The following UBR4 variants were observed in gnomAD, a reference collection of about 807,000 sequenced individuals.
The protein encoded by UBR4 is E3 ubiquitin-protein ligase UBR4.
A neutral mutation model predicts 575.6 loss-of-function variants in UBR4; 124 were observed. That is an observed-to-expected ratio of 0.22 (90% confidence interval 0.19 to 0.25). UBR4 has a LOEUF of 0.25. Among genes scored for constraint, UBR4 ranks in the 10% least tolerant of loss-of-function variants. The probability of loss-of-function intolerance (pLI) is 1.00; values close to 1 mark genes in which losing one functional copy is unlikely to be tolerated. For synonymous variants in UBR4, 2,455 were observed against 2,473.7 expected (o/e 0.99, Z 0.22); for missense variants, 4,818 against 6,478.8 (o/e 0.74, Z 8.80).
chr1:19,140,463 T>C (rs925732793), intron 58 of UBR4, among the ~76,000 whole-genome samples: 3 of 152,200 alleles, frequency 2.0e-5, no homozygotes, highest in African/African-American at 7.2e-5. Context: ...TTTAATACTG[T>C]CTAAAATGTT....
rs2087915656 is a variant in UBR4 at position 19,164,264 on chromosome 1, C to G, written c.4689G>C (p.Trp1563Cys). The change falls in exon 33 of 106, where the codon TGG becomes TGC. Residue 1563 changes from tryptophan to cysteine, a missense_variant. Physicochemically the swap from Trp to Cys is radical, Grantham distance 215 (BLOSUM62 -2). Coordinates refer to ENST00000375254, the MANE Select transcript of UBR4 (RefSeq NM_020765.3). The part of the protein sequence containing the change: ...HLQLHNAAVD[W>C]LSRCKKYLSQ... The stretch of plus-strand genomic sequence containing the variant: ...CTTCATCATCTTACCATCTGCTCAG[C>G]CAATCCACAGCAGCATTATGAAGCT... 6 of 1,612,548 alleles carry G rather than the reference C, an allele frequency of 3.7e-6. No individual in the cohort carries two copies. The highest frequency in any genetic ancestry group is 3.3e-5 in the Admixed American group (2 of 59,864).
intron 87 of UBR4, among the ~76,000 whole-genome samples, chr1:19,101,915 C>G (rs1168394458): frequency 6.6e-6 from 1 of 152,226 alleles, no homozygotes; most frequent in East Asian, 1.9e-4. Flanking sequence ...GATATAACCT[C>G]CTCAAGGAGA....
At position 19,153,253 on chromosome 1, in the gene UBR4, A is replaced by C; in HGVS notation, c.6832+48T>G. 1 of 1,587,132 alleles carries C rather than the reference A, an allele frequency of 6.3e-7. No homozygotes were observed. Among genetic ancestry groups the C allele is most frequent in the Non-Finnish European group, 8.7e-7 (1 of 1,156,020 alleles). On this transcript the variant is annotated intron_variant, in intron 46 of 105. Transcript: ENST00000375254. This position sits in a 1 kb window ranked among gnomAD's most constrained non-coding sequence, Gnocchi z 4.1. ...AGTCTATTCTGAGTCACTGTCTAGA[A>C]GACCACCATTCCTACTCCCCCACAA...
In UBR4 at chr1:19,110,798, G is replaced by A. The variant is rs1396000287; in HGVS notation, c.11836C>T (p.Leu3946=). 10 of 1,614,066 alleles carry A rather than the reference G, an allele frequency of 6.2e-6. No homozygotes were observed. The highest frequency in any genetic ancestry group is 7.6e-6 in the Non-Finnish European group (9 of 1,180,038). Reference sequence around the variant, plus strand: ...GCTGTGGAGACCTTGCCAATAATCAGGTCATTCATCTGTTGGGTGGCTTCT... The same window carrying A: ...GCTGTGGAGACCTTGCCAATAATCAAGTCATTCATCTGTTGGGTGGCTTCT... ...NPEATQQMND[L]IIGKVSTALK... The change falls in exon 79 of 106, where the codon CTG becomes TTG. Residue 3946 remains leucine, a synonymous_variant. Transcript: ENST00000375254. This position sits in a 1 kb window ranked among gnomAD's most constrained non-coding sequence, Gnocchi z 4.5.
At chr1:19,180,134 T>C (rs1437981481) in intron 17 of UBR4, among the ~76,000 whole-genome samples, 1 of 152,130 alleles carries the variant, frequency 6.6e-6, no homozygotes, top group Non-Finnish European at 1.5e-5. Context: ...TGATAAGGGA[T>C]GGTGAAGGTC....
At chr1:19,103,304 C>T (rs990401052) in intron 87 of UBR4, among the ~76,000 whole-genome samples, 1 of 152,182 alleles carries the variant, frequency 6.6e-6, no homozygotes, top group African/African-American at 2.4e-5. Flanking sequence ...AGACCTCACA[C>T]CTGTAATCCC....
intron 1 of UBR4, 40 bp from the exon 2 acceptor site, chr1:19,201,855 GCTTA>G (rs761374006): frequency 1.3e-5 from 20 of 1,571,726 alleles, no homozygotes; most frequent in African/African-American, 5.4e-5. Flanking sequence ...TCTGCTTAGC[GCTTA>G]CTATGTGCCA....
Position 19,198,570 on chromosome 1 carries a change from C to G in UBR4, c.619G>C (p.Ala207Pro), listed in dbSNP as rs1338471953. 1.2e-6 allele frequency: 2 copies of G among 1,614,132 alleles called. No individual in the cohort carries two copies. The highest frequency in any genetic ancestry group is 3.3e-5 in the Admixed American group (2 of 60,020). ...GTCTGTGTACTGATAGGTTGTGATG[C>G]TACAGTTCTAGGGTTAAAAACTGAG... ...LTSVFNPRTVASQPISTQTLV... is the reference protein window; with the variant it reads ...LTSVFNPRTVPSQPISTQTLV... Residue 207 changes from alanine to proline, a missense_variant, in exon 5 of 106, where the codon GCA becomes CCA. Coordinates refer to ENST00000375254, the MANE Select transcript of UBR4 (RefSeq NM_020765.3).
intron 68 of UBR4, 137 bp from the exon 69 acceptor site, chr1:19,120,485 A>C (rs2149465598): frequency 1.8e-6 from 2 of 1,139,470 alleles, no homozygotes; most frequent in East Asian, 2.4e-5. Context: ...ATATTCTGCA[A>C]AACAATTTTT....
chr1:19,149,540 G>A (rs2085351146), intron 49 of UBR4, among the ~76,000 whole-genome samples: 1 of 152,146 alleles, frequency 6.6e-6, no homozygotes, highest in Admixed American at 6.5e-5. Context: ...GGAAGAGAGA[G>A]TTGAGAGAGT....
chr1:19,084,227 C>T (rs1212531263), intron 102 of UBR4, among the ~76,000 whole-genome samples: 2 of 152,222 alleles, frequency 1.3e-5, no homozygotes, highest in Non-Finnish European at 2.9e-5. Context: ...CCACTTCCTG[C>T]TCCCCTGTGA....
At position 19,093,182 on chromosome 1, in the gene UBR4, C is replaced by T; in HGVS notation, c.14111+131G>A. 1.6e-6 allele frequency: 2 copies of T among 1,247,700 alleles called. No homozygotes were observed. The highest frequency in any genetic ancestry group is 2.2e-6 in the Non-Finnish European group (2 of 889,496). The allele number at this position is 1,247,700 out of a possible 1,614,324, so 77.3% of individuals were successfully genotyped here. On this transcript the variant is annotated intron_variant, in intron 96 of 105. Coordinates refer to ENST00000375254, the MANE Select transcript of UBR4 (RefSeq NM_020765.3). The surrounding 1 kb of genome is among the most constrained non-coding windows in gnomAD (Gnocchi z 4.8). ...GGTTGAATGGTCACCCACATAGTTT[C>T]CAGAAGCGGTTGGGAGGCCCCAAGG...
At chr1:19,127,556 TG>T in intron 63 of UBR4, 66 bp downstream of exon 63, 1 of 1,232,380 alleles carries the variant, frequency 8.1e-7, no homozygotes. Flanking sequence ...ACCTCTGTGC[TG>T]GCCCTAGCAC....
At chr1:19,131,939 T>C (rs778328503) in intron 60 of UBR4, among the ~76,000 whole-genome samples, 2 of 152,124 alleles carry the variant, frequency 1.3e-5, no homozygotes, top group Non-Finnish European at 2.9e-5. Context: ...AAAATTAAAA[T>C]ATAAACCAAT....
At chr1:19,197,011 C>A (rs141137070) in intron 8 of UBR4, 130 bp downstream of exon 8, 1 of 1,120,102 alleles carries the variant, frequency 8.9e-7, no homozygotes, top group Non-Finnish European at 1.3e-6. Context: ...CACCTTGATG[C>A]GACGTTAGAT....
chr1:19,165,782 C>T (rs755430979), intron 29 of UBR4, 25 bp from the exon 30 acceptor site: 3 of 1,586,688 alleles, frequency 1.9e-6, no homozygotes, highest in Admixed American at 1.7e-5. Context: ...GAAAACTTAA[C>T]CACCAGTATT....
intron 2 of UBR4, among the ~76,000 whole-genome samples, 158 bp from the exon 3 acceptor site, chr1:19,199,912 A>G (rs919671539): frequency 6.6e-6 from 1 of 152,246 alleles, no homozygotes; most frequent in Non-Finnish European, 1.5e-5. Flanking sequence ...TTTGACATCA[A>G]TAACTACCAG....
intron 55 of UBR4, among the ~76,000 whole-genome samples, chr1:19,143,287 A>G (rs142609010): frequency 5.4e-5 from 5 of 93,012 alleles, no homozygotes; most frequent in African/African-American, 1.8e-4. Flanking sequence ...AGAAAGAAAG[A>G]AAGAAAGAAA....
intron 1 of UBR4, among the ~76,000 whole-genome samples, chr1:19,209,844 G>A (rs1324629007): frequency 2.6e-5 from 4 of 152,234 alleles, no homozygotes; most frequent in African/African-American, 9.6e-5. Flanking sequence ...CCGCAGGGAG[G>A]CCGCTAAAGT....
Sources: gnomAD v4.1 joint callset for allele counts (sites outside exome capture counted in the v4.1 genomes callset) on GRCh38, gnomAD v4.1.1 for gene constraint, Gnocchi (gnomAD v3.1) non-coding constraint, MANE v1.5 for transcripts, NCBI Gene and HGNC (gene_info 2026-07-23, HGNC 2026-07-21) for gene names.